EPHA7: variants seen among roughly 807,000 people sequenced by gnomAD.
EPHA7 encodes ephrin type-A receptor 7.
A neutral mutation model predicts 112.6 loss-of-function variants in EPHA7; 25 were observed. The observed-to-expected ratio is 0.22, with a 90% CI of 0.16 to 0.31. The LOEUF (loss-of-function observed/expected upper bound fraction) is 0.31. Among genes scored for constraint, EPHA7 ranks in the 10% least tolerant of loss-of-function variants. The pLI, the probability that EPHA7 is intolerant of heterozygous loss-of-function variation, is 1.00. For missense variants in EPHA7, 962 were observed against 1,212.6 expected, an observed-to-expected ratio of 0.79 and a Z score of 3.07; for synonymous variants, 437 against 406.5, an observed-to-expected ratio of 1.07 and a Z score of -0.90.
intron 5 of EPHA7, among the ~76,000 whole-genome samples, chr6:93,280,393 A>G (rs905572935): frequency 2.6e-5 from 4 of 152,194 alleles, no homozygotes; most frequent in Admixed American, 2.0e-4. Context: ...CAGTTTCAAG[A>G]TTGGGCACAC....
At chr6:93,294,388 T>G (rs919222678) in intron 5 of EPHA7, among the ~76,000 whole-genome samples, 7 of 152,142 alleles carry the variant, frequency 4.6e-5, no homozygotes, top group African/African-American at 1.7e-4. Flanking sequence ...CTATTACGGT[T>G]AAAATGTCTA....
At chr6:93,332,399 A>G (rs1278621262) in intron 5 of EPHA7, among the ~76,000 whole-genome samples, 1 of 151,738 alleles carries the variant, frequency 6.6e-6, no homozygotes, top group Non-Finnish European at 1.5e-5. Flanking sequence ...AATAATGAAC[A>G]GTTATCTACA....
chr6:93,262,115 T>C (rs995508575), intron 9 of EPHA7, among the ~76,000 whole-genome samples: 2 of 151,594 alleles, frequency 1.3e-5, no homozygotes, highest in African/African-American at 2.4e-5. Context: ...TACAGTCTTA[T>C]ATTACTCTTC....
chr6:93,328,271 A>G (rs1027789935), intron 5 of EPHA7, among the ~76,000 whole-genome samples: 2 of 151,476 alleles, frequency 1.3e-5, no homozygotes, highest in African/African-American at 4.8e-5. Flanking sequence ...AACATCATCT[A>G]ATTTTTTATA....
chr6:93,314,858 C>CTTTTTTTTTTT (rs777231219), intron 5 of EPHA7, among the ~76,000 whole-genome samples: 1 of 101,378 alleles, frequency 9.9e-6, no homozygotes, highest in African/African-American at 3.7e-5. Context: ...ATATAATTTT[C>CTTTTTTTTTTT]TTTTTTTTTT....
chr6:93,339,851 A>T (rs1443269642), intron 5 of EPHA7, among the ~76,000 whole-genome samples: 5 of 151,914 alleles, frequency 3.3e-5, no homozygotes, highest in Admixed American at 6.6e-5. Flanking sequence ...TGGTTAACAA[A>T]TCATTCCTAA....
chr6:93,359,717 T>C (rs1258009957), intron 3 of EPHA7, among the ~76,000 whole-genome samples: 1 of 152,212 alleles, frequency 6.6e-6, no homozygotes, highest in Non-Finnish European at 1.5e-5. Context: ...AATTTTGATA[T>C]ATTTGGGAGC....
At chr6:93,399,099 T>C (rs1167476904) in intron 3 of EPHA7, among the ~76,000 whole-genome samples, 1 of 152,054 alleles carries the variant, frequency 6.6e-6, no homozygotes. Flanking sequence ...TAAAGGTTTC[T>C]CAGAGGAGAT....
intron 15 of EPHA7, among the ~76,000 whole-genome samples, chr6:93,246,096 G>T (rs1255372653): frequency 1.3e-5 from 2 of 151,346 alleles, no homozygotes; most frequent in African/African-American, 4.9e-5. Context: ...CTGTCGCCCA[G>T]GCTGGAGTGC....
At chr6:93,327,858 G>GAT (rs1774399063) in intron 5 of EPHA7, among the ~76,000 whole-genome samples, 1 of 151,502 alleles carries the variant, frequency 6.6e-6, no homozygotes, top group African/African-American at 2.4e-5. Context: ...TTGTTAATGA[G>GAT]ATGGTTATGA....
chr6:93,264,574 A>C lies in EPHA7; in HGVS notation c.1742+20T>G. On this transcript the variant is annotated intron_variant, in intron 8 of 16. Transcript: ENST00000369303. ...AACAATACATTTTATGTTAGAGATT[A>C]GAACAACTTTGTGTTCTACCTTCTC... 2 of 1,480,438 alleles carry C rather than the reference A, an allele frequency of 1.4e-6. No homozygotes were observed. Among genetic ancestry groups the C allele is most frequent in the Non-Finnish European group, 1.9e-6 (2 of 1,067,480 alleles). The allele number at this position is 1,480,438 out of a possible 1,614,324, so 91.7% of individuals were successfully genotyped here. A position where few individuals can be genotyped will look rare whatever the true frequency, so the allele number is the denominator to read the frequency against.
rs1236474962 is a variant in EPHA7 at position 93,240,440 on chromosome 6, C to G, written c.*2986G>C. 1 of 218,388 alleles carries G rather than the reference C, an allele frequency of 4.6e-6. No individual in the cohort carries two copies. Among genetic ancestry groups the G allele is most frequent in the Non-Finnish European group, 9.2e-6 (1 of 108,822 alleles). The allele number at this position is 218,388 out of a possible 1,614,324, so 13.5% of individuals were successfully genotyped here. A position where few individuals can be genotyped will look rare whatever the true frequency, so the allele number is the denominator to read the frequency against. ...AATTAAAATATAGTCCTAAACAGTA[C>G]TAGCTAATGTAGATTACATAAGTAT... On this transcript the variant is annotated 3_prime_UTR_variant, in exon 17 of 17. Transcript: ENST00000369303.
intron 3 of EPHA7, among the ~76,000 whole-genome samples, chr6:93,384,162 C>T (rs1777485131): frequency 6.6e-6 from 1 of 152,096 alleles, no homozygotes; most frequent in Admixed American, 6.6e-5. Flanking sequence ...ACTCAGAAAC[C>T]TAATGTCATG....
chr6:93,301,417 T>A (rs1772971856), intron 5 of EPHA7, among the ~76,000 whole-genome samples: 1 of 152,188 alleles, frequency 6.6e-6, no homozygotes, highest in Non-Finnish European at 1.5e-5. Flanking sequence ...TAAAATATAT[T>A]TTCTGCTGTA....
In EPHA7 at chr6:93,359,854, T is replaced by TAGAGAGAGAGAGAGAG. The variant is rs57690732; in HGVS notation, c.833-1459_833-1444dup. 3.0e-3 allele frequency among the ~76,000 whole-genome samples: 374 copies of TAGAGAGAGAGAGAGAG among 125,192 alleles called. 1 individual carries two copies. Among genetic ancestry groups the TAGAGAGAGAGAGAGAG allele is most frequent in the Admixed American group, 4.6e-3 (55 of 11,964 alleles). 82.1% of individuals were successfully genotyped at this position (125,192 alleles called of 152,430 possible). The stretch of plus-strand genomic sequence containing the variant: ...TATAGATCCATCGATCAATAGATGA[T>TAGAGAGAGAGAGAGAG]AGAGAGAGAGAGAGAGAGAGAGATA... On this transcript the variant is annotated intron_variant, in intron 3 of 16. Coordinates refer to ENST00000369303, the MANE Select transcript of EPHA7 (RefSeq NM_004440.4).
intron 3 of EPHA7, among the ~76,000 whole-genome samples, chr6:93,403,440 C>T (rs907555733): frequency 6.6e-6 from 1 of 151,240 alleles, no homozygotes; most frequent in Non-Finnish European, 1.5e-5. Flanking sequence ...AATAAGATAG[C>T]ATGCAATGAT....
At chr6:93,308,495 T>C (rs1773371374) in intron 5 of EPHA7, among the ~76,000 whole-genome samples, 1 of 152,110 alleles carries the variant, frequency 6.6e-6, no homozygotes, top group East Asian at 1.9e-4. Flanking sequence ...TAAATTTCTC[T>C]GCTGTAAGAT....
chr6:93,364,340 A>G (rs1776399521), intron 3 of EPHA7, among the ~76,000 whole-genome samples: 1 of 152,096 alleles, frequency 6.6e-6, no homozygotes, highest in South Asian at 2.1e-4. Context: ...CCTGGCCAAC[A>G]TGACGAAATC....
chr6:93,316,525 A>T (rs942619932), intron 5 of EPHA7, among the ~76,000 whole-genome samples: 9 of 152,106 alleles, frequency 5.9e-5, no homozygotes, highest in African/African-American at 2.2e-4. Flanking sequence ...ATAGTGTGTA[A>T]CACTATTTCT....
Sources: allele counts gnomAD v4.1 joint callset (sites outside exome capture counted in the v4.1 genomes callset), GRCh38; gene constraint gnomAD v4.1.1; transcripts MANE v1.5; gene names NCBI Gene and HGNC (gene_info 2026-07-23, HGNC 2026-07-21).